Variants in MAGI2 observed in about 807,000 individuals in gnomAD.
The protein encoded by MAGI2 is membrane-associated guanylate kinase, WW and PDZ domain-containing protein 2.
In MAGI2, 35 loss-of-function variants were observed where a neutral mutation model predicts 133.3. That is an observed-to-expected ratio of 0.26 (90% confidence interval 0.20 to 0.35). The LOEUF (loss-of-function observed/expected upper bound fraction) is 0.35. Ranked by LOEUF, MAGI2 falls within the 10% of genes least tolerant of loss-of-function variation. MAGI2 has a pLI of 1.00. For synonymous variants in MAGI2, 729 were observed against 710.6 expected, an observed-to-expected ratio of 1.03 and a Z score of -0.41; for missense variants, 1,636 against 1,863.4, an observed-to-expected ratio of 0.88 and a Z score of 2.25.
chr7:78,335,006 G>A (rs1350394880), intron 9 of MAGI2, among the ~76,000 whole-genome samples: 1 of 152,148 alleles, frequency 6.6e-6, no homozygotes, highest in African/African-American at 2.4e-5. Flanking sequence ...TGTAATTAAA[G>A]TTTTATTGGA....
chr7:78,434,920 C>T (rs1800137385), intron 6 of MAGI2, among the ~76,000 whole-genome samples: 1 of 152,112 alleles, frequency 6.6e-6, no homozygotes, highest in Admixed American at 6.6e-5. Flanking sequence ...GCTGGCTGGC[C>T]ATTCTATCAC....
chr7:78,676,101 A>T (rs971933668), intron 2 of MAGI2, among the ~76,000 whole-genome samples: 4 of 152,194 alleles, frequency 2.6e-5, no homozygotes, highest in African/African-American at 9.6e-5. Context: ...AATAAGAAGT[A>T]TATGCAATAG....
At chr7:78,744,638 A>G (rs1463362184) in intron 2 of MAGI2, among the ~76,000 whole-genome samples, 1 of 152,166 alleles carries the variant, frequency 6.6e-6, no homozygotes, top group Non-Finnish European at 1.5e-5. Context: ...GAAGGAAAAA[A>G]AATCTCTTCT....
intron 9 of MAGI2, among the ~76,000 whole-genome samples, chr7:78,305,209 C>T (rs1226855724): frequency 6.6e-6 from 1 of 152,130 alleles, no homozygotes; most frequent in African/African-American, 2.4e-5. Flanking sequence ...CTGATTTTCT[C>T]CATCTGGAAT....
chr7:78,249,154 C>T (rs1054497221), intron 10 of MAGI2, among the ~76,000 whole-genome samples: 3 of 152,004 alleles, frequency 2.0e-5, no homozygotes, highest in Non-Finnish European at 4.4e-5. Flanking sequence ...AAATCAAAAC[C>T]ACAGTGTGAT....
intron 11 of MAGI2, among the ~76,000 whole-genome samples, chr7:78,196,273 A>G (rs1037843211): frequency 3.3e-5 from 5 of 151,312 alleles, no homozygotes; most frequent in South Asian, 4.2e-4. Context: ...TGCCCCTCGC[A>G]CCACTTCCTC....
At chr7:79,284,862 G>A (rs575892518) in intron 1 of MAGI2, among the ~76,000 whole-genome samples, 1 of 152,012 alleles carries the variant, frequency 6.6e-6, no homozygotes, top group South Asian at 2.1e-4. Context: ...GCACAGCAGA[G>A]AAAATTACTT....
intron 6 of MAGI2, chr7:78,487,148 AC>A (rs761145650): frequency 6.0e-5 from 12 of 201,448 alleles, no homozygotes; most frequent in Non-Finnish European, 1.2e-4. Flanking sequence ...CCTCTAGTTG[AC>A]AGGAAGTAGC....
chr7:78,852,083 T>G (rs1450469661), intron 2 of MAGI2, among the ~76,000 whole-genome samples: 1 of 152,158 alleles, frequency 6.6e-6, no homozygotes, highest in Admixed American at 6.6e-5. Flanking sequence ...TCGATATAAT[T>G]AAGATAAACT....
At chr7:78,497,680 T>C (rs1794216758) in intron 5 of MAGI2, among the ~76,000 whole-genome samples, 1 of 151,966 alleles carries the variant, frequency 6.6e-6, no homozygotes, top group Non-Finnish European at 1.5e-5. Context: ...ACATATCTAA[T>C]GTTTCACTGT....
At chr7:78,206,282 T>G (rs28698835) in intron 10 of MAGI2, among the ~76,000 whole-genome samples, 294 of 144,366 alleles carry the variant, frequency 2.0e-3, no homozygotes, top group Non-Finnish European at 3.0e-3. Context: ...CTTTTCTTTT[T>G]CCTTTTCCTT....
chr7:78,178,161 A>G, intron 13 of MAGI2, 59 bp from the exon 14 acceptor site: 1 of 1,021,534 alleles, frequency 9.8e-7, no homozygotes, highest in Non-Finnish European at 1.6e-6. Context: ...GCCCCTGAGG[A>G]ACTGAACATA....
chr7:79,183,333 T>C (rs993725364), intron 1 of MAGI2, among the ~76,000 whole-genome samples: 1 of 151,798 alleles, frequency 6.6e-6, no homozygotes, highest in Admixed American at 6.6e-5. Context: ...TGTAAAAATA[T>C]AAAAAATACA....
At chr7:78,762,914 G>A (rs527462062) in intron 2 of MAGI2, among the ~76,000 whole-genome samples, 3 of 152,302 alleles carry the variant, frequency 2.0e-5, no homozygotes, top group Non-Finnish European at 2.9e-5. Context: ...ACACAGTTTA[G>A]TTTGGTACAC....
intron 1 of MAGI2, among the ~76,000 whole-genome samples, chr7:79,058,380 C>T (rs1378761946): frequency 6.6e-6 from 1 of 151,918 alleles, no homozygotes; most frequent in East Asian, 1.9e-4. Context: ...CTAGAAAATA[C>T]ATGTAGAGAA....
intron 2 of MAGI2, among the ~76,000 whole-genome samples, chr7:78,840,480 C>G (rs1792038064): frequency 6.6e-6 from 1 of 152,032 alleles, no homozygotes; most frequent in South Asian, 2.1e-4. Context: ...GACTTTCTAA[C>G]AAGATCCCAG....
chr7:78,558,003 G>T (rs1405477616), intron 3 of MAGI2, among the ~76,000 whole-genome samples: 2 of 151,248 alleles, frequency 1.3e-5, no homozygotes, highest in Non-Finnish European at 2.9e-5. Flanking sequence ...ATAGTTGATT[G>T]TGTATGTGAC....
intron 21 of MAGI2, among the ~76,000 whole-genome samples, chr7:78,056,873 C>T (rs529958461): frequency 6.6e-6 from 1 of 152,234 alleles, no homozygotes; most frequent in East Asian, 1.9e-4. Context: ...CACACTGACA[C>T]ACACACATCC....
intron 2 of MAGI2, among the ~76,000 whole-genome samples, chr7:78,804,762 A>C (rs1341425686): frequency 2.8e-5 from 4 of 142,098 alleles, no homozygotes; most frequent in African/African-American, 1.0e-4. Context: ...AAAAAAAAAA[A>C]AAAAAAAAAA....
Sources: allele counts gnomAD v4.1 joint callset (sites outside exome capture counted in the v4.1 genomes callset), GRCh38; gene constraint gnomAD v4.1.1; transcripts MANE v1.5; gene names NCBI Gene and HGNC (gene_info 2026-07-23, HGNC 2026-07-21).